Variants in CNTN4 observed in about 807,000 individuals in gnomAD.
CNTN4 encodes contactin 4.
Under a neutral mutation model 122.5 loss-of-function variants are expected in CNTN4, and 77 were observed. That is an observed-to-expected ratio of 0.63 (90% CI 0.52 to 0.76). The LOEUF (loss-of-function observed/expected upper bound fraction) is 0.76, where lower values mean the gene tolerates loss of function less well. Ranked by LOEUF, CNTN4 falls within the 30% of genes least tolerant of loss-of-function variation. CNTN4 has a pLI of 0.00. For missense variants in CNTN4, 1,256 were observed against 1,259.1 expected, an observed-to-expected ratio of 1.00 and a Z score of 0.04; for synonymous variants, 512 against 447.0, an observed-to-expected ratio of 1.15 and a Z score of -1.83.
chr3:2,674,287 A>T (rs76459860), intron 4 of CNTN4, among the ~76,000 whole-genome samples: 1,596 of 152,122 alleles, frequency 0.01, 30 homozygotes, highest in African/African-American at 0.037. Flanking sequence ...ATATTTTTTA[A>T]TTGACACATA....
intron 3 of CNTN4, among the ~76,000 whole-genome samples, chr3:2,510,257 G>C (rs2076845422): frequency 1.3e-5 from 2 of 152,144 alleles, no homozygotes; most frequent in Non-Finnish European, 2.9e-5. Context: ...CTAGATCTTA[G>C]GACAAGAATA....
chr3:2,638,308 A>G (rs1296331411), intron 4 of CNTN4, among the ~76,000 whole-genome samples: 1 of 152,080 alleles, frequency 6.6e-6, no homozygotes, highest in African/African-American at 2.4e-5. Context: ...TCCTGGTTTC[A>G]TGTGATTCAG....
intron 3 of CNTN4, among the ~76,000 whole-genome samples, chr3:2,570,856 G>A (rs974462596): frequency 2.0e-5 from 3 of 152,116 alleles, no homozygotes; most frequent in African/African-American, 7.2e-5. Flanking sequence ...ATAGCTGTTT[G>A]GATTTCTCTC....
chr3:2,896,496 C>A (rs906789427), intron 10 of CNTN4, among the ~76,000 whole-genome samples: 1 of 152,102 alleles, frequency 6.6e-6, no homozygotes, highest in African/African-American at 2.4e-5. Context: ...GCCCTGAAAT[C>A]CAACATGCAT....
At chr3:2,537,051 G>A (rs1027906711) in intron 3 of CNTN4, among the ~76,000 whole-genome samples, 1 of 152,084 alleles carries the variant, frequency 6.6e-6, no homozygotes, top group African/African-American at 2.4e-5. Context: ...TAACCCACTA[G>A]CATCTGTAGT....
rs1342944101 is a variant in CNTN4, at chr3:2,718,555, C to G, written c.56-17660C>G. Among the ~76,000 whole-genome samples the G allele has an allele frequency of 2.0e-5, 3 of 152,130 alleles. No homozygotes were observed. In the South Asian group the frequency reaches 6.2e-4, roughly 32 times the overall value. ...CCCAGACAAGGTTGGTTATATTTCA[C>G]TTAATGTTTTTATGGCTTCTAACAC... On this transcript the variant is annotated intron_variant, in intron 4 of 24. Transcript: ENST00000418658.
chr3:2,951,960 C>A (rs902597805), intron 13 of CNTN4, among the ~76,000 whole-genome samples: 1 of 152,186 alleles, frequency 6.6e-6, no homozygotes, highest in Admixed American at 6.5e-5. Flanking sequence ...GACTGAACAT[C>A]AGCTACAGGA....
intron 13 of CNTN4, among the ~76,000 whole-genome samples, chr3:2,962,053 T>A (rs1021329296): frequency 2.6e-5 from 4 of 152,232 alleles, no homozygotes; most frequent in Admixed American, 6.5e-5. Context: ...ATATGAAAGA[T>A]GTAATTTGAA....
chr3:2,590,943 C>T (rs2080441578), intron 4 of CNTN4, among the ~76,000 whole-genome samples: 1 of 152,110 alleles, frequency 6.6e-6, no homozygotes, highest in African/African-American at 2.4e-5. Flanking sequence ...CACTTTGATA[C>T]ATTTTGTCAT....
chr3:2,658,055 G>T (rs541309049), intron 4 of CNTN4, among the ~76,000 whole-genome samples: 1 of 147,928 alleles, frequency 6.8e-6, no homozygotes, highest in Non-Finnish European at 1.5e-5. Context: ...GATACTGTGC[G>T]AAGTGAACTA....
intron 8 of CNTN4, among the ~76,000 whole-genome samples, chr3:2,872,930 C>T (rs1456218744): frequency 6.6e-6 from 1 of 152,156 alleles, no homozygotes; most frequent in Non-Finnish European, 1.5e-5. Flanking sequence ...AGTCCTCACT[C>T]ATTTTTCACA....
intron 4 of CNTN4, among the ~76,000 whole-genome samples, chr3:2,708,771 C>T (rs1278435286): frequency 6.8e-6 from 1 of 146,782 alleles, no homozygotes; most frequent in African/African-American, 2.6e-5. Context: ...ACACACACTG[C>T]CCAGAAGAAA....
intron 4 of CNTN4, among the ~76,000 whole-genome samples, chr3:2,669,099 G>C (rs914071606): frequency 2.6e-5 from 4 of 152,158 alleles, no homozygotes; most frequent in African/African-American, 9.7e-5. Flanking sequence ...GATGATGCTG[G>C]CCTCATAAAA....
chr3:2,993,768 G>T (rs1695269105), intron 14 of CNTN4, among the ~76,000 whole-genome samples: 1 of 152,222 alleles, frequency 6.6e-6, no homozygotes, highest in Admixed American at 6.5e-5. Flanking sequence ...GTATAGTCTG[G>T]CCAAGCTATA....
intron 3 of CNTN4, among the ~76,000 whole-genome samples, chr3:2,421,087 C>G (rs944359816): frequency 6.6e-6 from 1 of 152,148 alleles, no homozygotes; most frequent in Non-Finnish European, 1.5e-5. Context: ...TTGAAAGAGT[C>G]TGCAGAAGAG....
intron 3 of CNTN4, among the ~76,000 whole-genome samples, chr3:2,372,223 C>G (rs2045657917): frequency 6.6e-6 from 1 of 152,064 alleles, no homozygotes; most frequent in African/African-American, 2.4e-5. Context: ...TTATTGAGGA[C>G]ATATGCTTCA....
intron 3 of CNTN4, among the ~76,000 whole-genome samples, chr3:2,402,720 C>A (rs2046901735): frequency 6.6e-6 from 1 of 152,084 alleles, no homozygotes; most frequent in South Asian, 2.1e-4. Context: ...ATCTAAGCCT[C>A]TCAATGTGTC....
chr3:2,272,613 A>G (rs1057075040), intron 2 of CNTN4, among the ~76,000 whole-genome samples: 1 of 152,178 alleles, frequency 6.6e-6, no homozygotes, highest in African/African-American at 2.4e-5. Flanking sequence ...TGAAAACCTC[A>G]TTATTCTTTT....
intron 4 of CNTN4, among the ~76,000 whole-genome samples, chr3:2,611,309 A>AAG (rs1553583064): frequency 2.0e-4 from 27 of 138,086 alleles, no homozygotes; most frequent in Admixed American, 6.7e-4. Flanking sequence ...AAAAAAAAAA[A>AAG]AAAGAAAGAA....
Sources: allele counts gnomAD v4.1 joint callset (sites outside exome capture counted in the v4.1 genomes callset), GRCh38; gene constraint gnomAD v4.1.1; transcripts MANE v1.5; gene names NCBI Gene and HGNC (gene_info 2026-07-23, HGNC 2026-07-21).